Variants in CPA6 observed in about 807,000 individuals in gnomAD.
CPA6 encodes the protein carboxypeptidase A6, also known as carboxypeptidase B.
A neutral mutation model predicts 63.3 loss-of-function variants in CPA6; 58 were observed. The observed-to-expected ratio is 0.92, with a 90% confidence interval of 0.74 to 1.14. The LOEUF is 1.14. Ranked by LOEUF, CPA6 falls within the 50% of genes most tolerant of loss-of-function variation. CPA6 has a pLI of 0.00. For synonymous variants in CPA6, 185 were observed against 179.0 expected (o/e 1.03, Z -0.27); for missense variants, 565 against 526.6 (o/e 1.07, Z -0.71).
chr8:67,438,813 G>T (rs1422992953), intron 8 of CPA6, among the ~76,000 whole-genome samples: 4 of 152,034 alleles, frequency 2.6e-5, no homozygotes, highest in East Asian at 1.9e-4. Context: ...ATGCTAAATT[G>T]TTGGTCTATT....
chr8:67,589,606 G>C (rs1039741796), intron 2 of CPA6, among the ~76,000 whole-genome samples: 3 of 152,134 alleles, frequency 2.0e-5, no homozygotes, highest in African/African-American at 7.2e-5. Flanking sequence ...TTTATGTGGT[G>C]TATGGTAAGG....
rs62316348 is a variant in CPA6, at chr8:67,594,531, G to A, written c.192+29645C>T. Among the ~76,000 whole-genome samples, 823 of 152,260 alleles carry A rather than the reference G, an allele frequency of 5.4e-3. 11 individuals are homozygous for A. Among genetic ancestry groups the A allele is most frequent in the African/African-American group, 0.019 (783 of 41,566 alleles). On this transcript the variant is annotated intron_variant, in intron 2 of 10. Coordinates refer to ENST00000297770, the MANE Select transcript of CPA6 (RefSeq NM_020361.5). Reference sequence around the variant, plus strand: ...CACTTTCAGGTACAACAATCAGGACGCAGATTTGGTCTTTTCACGTAGTCC... The same window carrying A: ...CACTTTCAGGTACAACAATCAGGACACAGATTTGGTCTTTTCACGTAGTCC...
At chr8:67,630,110 A>AAATAATAAT (rs61666997) in intron 1 of CPA6, among the ~76,000 whole-genome samples, 6,830 of 144,806 alleles carry the variant, frequency 0.047, 254 homozygotes, top group East Asian at 0.1. Flanking sequence ...GTCTCAATTA[A>AAATAATAAT]AATAATAATA....
At chr8:67,597,586 T>C (rs539918041) in intron 2 of CPA6, among the ~76,000 whole-genome samples, 36 of 152,334 alleles carry the variant, frequency 2.4e-4, no homozygotes, top group Admixed American at 1.0e-3. Context: ...CATTTCACCA[T>C]TTCTGTCTTT....
chr8:67,694,959 T>A (rs1216508634), intron 1 of CPA6, among the ~76,000 whole-genome samples: 2 of 151,990 alleles, frequency 1.3e-5, no homozygotes, highest in African/African-American at 4.8e-5. Flanking sequence ...GGAAGGAACA[T>A]GATTGGAAAA....
At chr8:67,669,038 T>C (rs1398762779) in intron 1 of CPA6, among the ~76,000 whole-genome samples, 1 of 152,156 alleles carries the variant, frequency 6.6e-6, no homozygotes, top group Non-Finnish European at 1.5e-5. Context: ...AGCTTGCATG[T>C]AGGAAGAATC....
chr8:67,468,387 A>G (rs1810976918), intron 8 of CPA6, among the ~76,000 whole-genome samples: 1 of 151,868 alleles, frequency 6.6e-6, no homozygotes, highest in Non-Finnish European at 1.5e-5. Context: ...GTTCGAGACC[A>G]GCCTGGCCAA....
At chr8:67,717,766 G>GC (rs1203792390) in intron 1 of CPA6, among the ~76,000 whole-genome samples, 1 of 152,184 alleles carries the variant, frequency 6.6e-6, no homozygotes, top group Non-Finnish European at 1.5e-5. Context: ...GTCCTAGTGG[G>GC]CCTTCGGTGC....
intron 1 of CPA6, among the ~76,000 whole-genome samples, chr8:67,695,849 G>A (rs547034164): frequency 2.8e-4 from 42 of 152,244 alleles, no homozygotes; most frequent in African/African-American, 9.4e-4. Flanking sequence ...CAGATGGGAG[G>A]GGCAGCATTC....
At chr8:67,729,149 C>T (rs928987010) in intron 1 of CPA6, among the ~76,000 whole-genome samples, 2 of 152,096 alleles carry the variant, frequency 1.3e-5, no homozygotes, top group African/African-American at 4.8e-5. Flanking sequence ...ATGCAGAGTC[C>T]CAGGCTCTAC....
chr8:67,592,701 G>A (rs140968651), intron 2 of CPA6, among the ~76,000 whole-genome samples: 29,462 of 151,960 alleles, frequency 0.19, 3,310 homozygotes, highest in East Asian at 0.42. Flanking sequence ...TTCTCTGATG[G>A]TAGTTTGTAT....
intron 2 of CPA6, among the ~76,000 whole-genome samples, chr8:67,559,478 T>C (rs1813150731): frequency 6.6e-6 from 1 of 152,118 alleles, no homozygotes; most frequent in Non-Finnish European, 1.5e-5. Flanking sequence ...ATGGCCATGA[T>C]GTCCTACCAT....
intron 2 of CPA6, among the ~76,000 whole-genome samples, chr8:67,547,288 C>A (rs180714584): frequency 2.0e-5 from 3 of 152,118 alleles, no homozygotes; most frequent in Non-Finnish European, 4.4e-5. Flanking sequence ...CCTGGTGATC[C>A]GCCCGCCTCG....
intron 2 of CPA6, among the ~76,000 whole-genome samples, chr8:67,526,748 C>T (rs1812372225): frequency 6.6e-6 from 1 of 152,146 alleles, no homozygotes; most frequent in African/African-American, 2.4e-5. Context: ...AACCCAGTGA[C>T]TCCTGACTTT....
intron 3 of CPA6, 75 bp from the exon 4 acceptor site, chr8:67,511,730 CAT>C: frequency 1.2e-6 from 1 of 802,916 alleles, no homozygotes; most frequent in Non-Finnish European, 2.2e-6. Flanking sequence ...CAGAAAAAAT[CAT>C]ATGCATCTAT....
At chr8:67,637,665 T>C (rs898838921) in intron 1 of CPA6, among the ~76,000 whole-genome samples, 8 of 151,476 alleles carry the variant, frequency 5.3e-5, no homozygotes, top group Non-Finnish European at 1.2e-4. Flanking sequence ...TATAATCTAG[T>C]TAGGTACATA....
At chr8:67,545,502 G>C (rs1326439375) in intron 2 of CPA6, among the ~76,000 whole-genome samples, 1 of 150,774 alleles carries the variant, frequency 6.6e-6, no homozygotes, top group African/African-American at 2.4e-5. Context: ...TTATGCTGCT[G>C]ACTCATGTCC....
intron 1 of CPA6, among the ~76,000 whole-genome samples, chr8:67,716,900 G>A (rs1817393931): frequency 6.6e-6 from 1 of 152,170 alleles, no homozygotes; most frequent in Non-Finnish European, 1.5e-5. Context: ...TGCAGGTTGA[G>A]AAAATGAATA....
intron 8 of CPA6, among the ~76,000 whole-genome samples, chr8:67,469,821 T>C (rs534924234): frequency 1.3e-5 from 2 of 152,112 alleles, no homozygotes; most frequent in East Asian, 3.9e-4. Context: ...ATTGGTTCTG[T>C]TTATCTCTTT....
Sources: gnomAD v4.1 joint callset for allele counts (sites outside exome capture counted in the v4.1 genomes callset) on GRCh38, gnomAD v4.1.1 for gene constraint, MANE v1.5 for transcripts, NCBI Gene and HGNC (gene_info 2026-07-23, HGNC 2026-07-21) for gene names.